The following SLC25A28 variants were observed in gnomAD, a reference collection of about 807,000 sequenced individuals.
SLC25A28 encodes solute carrier family 25 member 28, also known as mitoferrin-2.
In SLC25A28, 10 loss-of-function variants were observed where a neutral mutation model predicts 31.9. The observed-to-expected ratio is 0.31, with a 90% CI of 0.19 to 0.53. The LOEUF (loss-of-function observed/expected upper bound fraction) is 0.53, where lower values mean the gene tolerates loss of function less well. Among genes scored for constraint, SLC25A28 ranks in the 20% least tolerant of loss-of-function variants. The probability of loss-of-function intolerance (pLI) is 0.95; values close to 1 mark genes in which losing one functional copy is unlikely to be tolerated. For synonymous variants in SLC25A28, 208 were observed against 203.6 expected, an observed-to-expected ratio of 1.02 and a Z score of -0.19; for missense variants, 256 against 490.3, an observed-to-expected ratio of 0.52 and a Z score of 4.51.
the SLC25A28 span, among the ~76,000 whole-genome samples, chr10:99,639,046 A>C: frequency 6.6e-6 from 1 of 152,100 alleles, no homozygotes; most frequent in African/African-American, 2.4e-5. Flanking sequence ...CCAAATGCCC[A>C]TCAATCAATG....
At chr10:99,624,697 T>C (rs534021892), upstream of SLC25A28, among the ~76,000 whole-genome samples, 1 of 152,128 alleles carries the variant, frequency 6.6e-6, no homozygotes, top group Admixed American at 6.5e-5. Context: ...TAGCCAGGCG[T>C]GGTGGCGTGT....
chr10:99,647,496 T>G, the SLC25A28 span, among the ~76,000 whole-genome samples: 1 of 152,250 alleles, frequency 6.6e-6, no homozygotes, highest in Non-Finnish European at 1.5e-5. Flanking sequence ...TTTGCCCAAT[T>G]TTTAATGGGA....
At chr10:99,627,411 C>T in the SLC25A28 span, among the ~76,000 whole-genome samples, 1 of 150,294 alleles carries the variant, frequency 6.7e-6, no homozygotes, top group African/African-American at 2.5e-5. Flanking sequence ...CAATTACACT[C>T]TTTATTTATG....
chr10:99,630,322 C>T, the SLC25A28 span, among the ~76,000 whole-genome samples: 18 of 152,052 alleles, frequency 1.2e-4, no homozygotes, highest in South Asian at 4.2e-4. Context: ...TTGGTAGACG[C>T]GGGGTTTCAC....
the SLC25A28 span, among the ~76,000 whole-genome samples, chr10:99,631,771 G>A: frequency 1.8e-3 from 267 of 151,250 alleles, 1 homozygote; most frequent in African/African-American, 6.3e-3. Context: ...CTAATAGGCC[G>A]CATAGAATGC....
the SLC25A28 span, among the ~76,000 whole-genome samples, chr10:99,628,229 CCCT>C: frequency 6.6e-6 from 1 of 152,122 alleles, no homozygotes; most frequent in Non-Finnish European, 1.5e-5. Context: ...GGGCAATGAT[CCCT>C]CTCTGGTCAG....
the SLC25A28 span, among the ~76,000 whole-genome samples, chr10:99,628,065 A>G: frequency 6.6e-6 from 1 of 152,224 alleles, no homozygotes; most frequent in Non-Finnish European, 1.5e-5. Context: ...GATTCTCCTG[A>G]GAGCAAAGTA....
the SLC25A28 span, among the ~76,000 whole-genome samples, chr10:99,641,933 T>A: frequency 6.6e-6 from 1 of 152,160 alleles, no homozygotes; most frequent in Non-Finnish European, 1.5e-5. Flanking sequence ...TATATCTCTG[T>A]TTTGGTACCA....
At chr10:99,618,731 C>T (rs531397843) in intron 1 of SLC25A28, 1 of 985,266 alleles carries the variant, frequency 1.0e-6, no homozygotes, top group Non-Finnish European at 1.2e-6. Context: ...TGTTAAAATA[C>T]TCCTGCCAGT....
At chr10:99,627,275 A>G in the SLC25A28 span, among the ~76,000 whole-genome samples, 2 of 152,038 alleles carry the variant, frequency 1.3e-5, no homozygotes, top group Non-Finnish European at 2.9e-5. Flanking sequence ...TTTTGGATAC[A>G]TAGTAGGTGT....
intron 1 of SLC25A28, chr10:99,619,159 T>A: frequency 1.0e-6 from 1 of 985,448 alleles, no homozygotes; most frequent in Non-Finnish European, 1.2e-6. Flanking sequence ...TAAATCATCC[T>A]GCTTGGTTGT....
chr10:99,658,789 A>G, the SLC25A28 span, among the ~76,000 whole-genome samples: 1 of 152,088 alleles, frequency 6.6e-6, no homozygotes, highest in Admixed American at 6.5e-5. Flanking sequence ...AAATGAGATA[A>G]CGGCTGGTGT....
the SLC25A28 span, among the ~76,000 whole-genome samples, chr10:99,635,057 A>T: frequency 4.6e-5 from 7 of 152,230 alleles, no homozygotes; most frequent in African/African-American, 1.4e-4. Context: ...AGCATCATAT[A>T]TGAAGGAAAG....
chr10:99,630,229 A>T, the SLC25A28 span, among the ~76,000 whole-genome samples: 1 of 152,096 alleles, frequency 6.6e-6, no homozygotes, highest in Admixed American at 6.5e-5. Flanking sequence ...CCTGGGTTCA[A>T]GCAATTCTCC....
In SLC25A28 at chr10:99,620,259, G is replaced by A. The variant is rs1260127795; in HGVS notation, c.77C>T (p.Ser26Leu). 3.4e-6 allele frequency: 4 copies of A among 1,188,696 alleles called. No individual in the cohort carries two copies. In the South Asian group the frequency reaches 1.0e-4, roughly 30 times the overall value. 73.6% of individuals were successfully genotyped at this position (1,188,696 alleles called of 1,614,324 possible). A position where few individuals can be genotyped will look rare whatever the true frequency, so the allele number is the denominator to read the frequency against. ...CTGCAGCCACCCGTCCAGCAGCGCC[G>A]ACTCCCCGGGGCTCCGCCCGGGCCC... ...AAGPGRSPGE[S>L]ALLDGWLQRG... The change falls in exon 1 of 4, where the codon TCG (serine) becomes TTG (leucine). Residue 26 changes from serine (S) to leucine (L), a missense_variant. By Grantham distance (145) the Ser-to-Leu change is moderately radical. Transcript: ENST00000370495.
the SLC25A28 span, among the ~76,000 whole-genome samples, chr10:99,636,198 C>A: frequency 9.9e-5 from 15 of 152,144 alleles, no homozygotes; most frequent in Admixed American, 2.0e-4. Flanking sequence ...ATGGAACTTT[C>A]TGTAAGATAG....
At chr10:99,612,645 A>G (rs2034556722) in intron 2 of SLC25A28, 46 bp from the exon 3 acceptor site, 1 of 1,611,722 alleles carries the variant, frequency 6.2e-7, no homozygotes, top group African/African-American at 1.3e-5. Context: ...AAGAGAGCTG[A>G]CCAACTCATT....
the SLC25A28 span, among the ~76,000 whole-genome samples, chr10:99,632,434 A>G: frequency 6.6e-6 from 1 of 152,150 alleles, no homozygotes; most frequent in Non-Finnish European, 1.5e-5. Flanking sequence ...CTGAGGGACA[A>G]CTGTACTTCA....
At chr10:99,617,178 GT>G in intron 1 of SLC25A28, 8 of 985,396 alleles carry the variant, frequency 8.1e-6, no homozygotes, top group Non-Finnish European at 9.6e-6. Flanking sequence ...ACTGTTTTGG[GT>G]TGCAGAATGT....
Sources: gnomAD v4.1 joint callset for allele counts (sites outside exome capture counted in the v4.1 genomes callset) on GRCh38, gnomAD v4.1.1 for gene constraint, MANE v1.5 for transcripts, NCBI Gene and HGNC (gene_info 2026-07-23, HGNC 2026-07-21) for gene names.